Variants in SORCS2 observed in about 807,000 individuals in gnomAD.
SORCS2 encodes the protein sortilin related VPS10 domain containing receptor 2.
Under a neutral mutation model 141.6 loss-of-function variants are expected in SORCS2, and 100 were observed. The observed-to-expected ratio is 0.71, with a 90% CI of 0.60 to 0.83. The LOEUF is 0.83. SORCS2 is among the 40% of genes least tolerant of loss of function. The pLI, the probability that SORCS2 is intolerant of heterozygous loss-of-function variation, is 0.00. For synonymous variants in SORCS2, 789 were observed against 676.9 expected (o/e 1.17, Z -2.57); for missense variants, 1,646 against 1,560.2 (o/e 1.05, Z -0.93).
At chr4:7,633,660 G>T (rs1034901152) in intron 3 of SORCS2, among the ~76,000 whole-genome samples, 1 of 152,198 alleles carries the variant, frequency 6.6e-6, no homozygotes, top group Admixed American at 6.5e-5. Flanking sequence ...TATGCGTTTT[G>T]CTCTCCAGGC....
chr4:7,296,503 C>T (rs1216920852), intron 1 of SORCS2, among the ~76,000 whole-genome samples: 2 of 152,190 alleles, frequency 1.3e-5, no homozygotes, highest in Non-Finnish European at 2.9e-5. Flanking sequence ...CGGGACTCCA[C>T]CTCTCCTCTC....
At chr4:7,710,663 T>C (rs970321855) in intron 14 of SORCS2, among the ~76,000 whole-genome samples, 5 of 152,202 alleles carry the variant, frequency 3.3e-5, no homozygotes, top group African/African-American at 9.6e-5. Context: ...TGGAGACAGA[T>C]GGCACCCTCA....
intron 8 of SORCS2, among the ~76,000 whole-genome samples, chr4:7,670,240 AC>A (rs2108937073): frequency 6.6e-6 from 1 of 152,182 alleles, no homozygotes; most frequent in African/African-American, 2.4e-5. Flanking sequence ...GTTTTAATTT[AC>A]CTGTCTGTGA....
At chr4:7,360,878 C>T (rs1256488029) in intron 1 of SORCS2, among the ~76,000 whole-genome samples, 1 of 152,012 alleles carries the variant, frequency 6.6e-6, no homozygotes, top group Non-Finnish European at 1.5e-5. Context: ...GCCCGGCCCG[C>T]CCAGTCCCTT....
At chr4:7,701,269 G>A (rs1193403336) in intron 12 of SORCS2, among the ~76,000 whole-genome samples, 1 of 151,904 alleles carries the variant, frequency 6.6e-6, no homozygotes, top group African/African-American at 2.4e-5. Context: ...GGAAGAAGAG[G>A]GAGGGAGGGA....
chr4:7,468,628 A>G (rs1729771243), intron 2 of SORCS2, among the ~76,000 whole-genome samples: 1 of 152,268 alleles, frequency 6.6e-6, no homozygotes, highest in South Asian at 2.1e-4. Flanking sequence ...ACAGTGCAAC[A>G]GCAAGGCCTG....
chr4:7,360,960 TC>T (rs1721547044), intron 1 of SORCS2, among the ~76,000 whole-genome samples: 1 of 151,886 alleles, frequency 6.6e-6, no homozygotes, highest in Non-Finnish European at 1.5e-5. Context: ...CGCCCCTGCC[TC>T]CTCCCCTGTG....
chr4:7,556,537 A>G (rs539002034), intron 3 of SORCS2, among the ~76,000 whole-genome samples: 4 of 152,304 alleles, frequency 2.6e-5, no homozygotes, highest in African/African-American at 9.6e-5. Context: ...GCTGAGACCC[A>G]GTCTTGGGCT....
intron 2 of SORCS2, among the ~76,000 whole-genome samples, chr4:7,490,245 T>C (rs1731237243): frequency 6.6e-6 from 1 of 152,134 alleles, no homozygotes; most frequent in South Asian, 2.1e-4. Flanking sequence ...CCTCCTCTTG[T>C]GGAAAAGACC....
chr4:7,709,723 A>G (rs1422473410), intron 14 of SORCS2, among the ~76,000 whole-genome samples: 1 of 152,166 alleles, frequency 6.6e-6, no homozygotes, highest in Non-Finnish European at 1.5e-5. Flanking sequence ...ACTGTTTGGT[A>G]CAAATCTGCC....
chr4:7,725,369 G>C (rs1727145405), intron 20 of SORCS2, 82 bp downstream of exon 20: 11 of 1,503,618 alleles, frequency 7.3e-6, no homozygotes, highest in South Asian at 1.3e-5. Context: ...ATGGCCCCAG[G>C]TTTTCAGCAG....
chr4:7,193,216 C>G lies in SORCS2; in HGVS notation c.480+90C>G. ...CCGCCACGGCCCCCACCCCAGATCC[C>G]CACTATGGTCATCAGGGGCGGGTTC... On this transcript the variant is annotated intron_variant, in intron 1 of 26. Transcript: ENST00000507866. The surrounding 1 kb of genome is among the most constrained non-coding windows in gnomAD (Gnocchi z 4.8). 1 of 1,306,898 alleles carries G rather than the reference C, an allele frequency of 7.7e-7. No individual in the cohort carries two copies. Among genetic ancestry groups the G allele is most frequent in the South Asian group, 2.1e-5 (1 of 46,674 alleles). 81.0% of individuals were successfully genotyped at this position (1,306,898 alleles called of 1,614,324 possible).
At chr4:7,474,619 AGT>A (rs1730179557) in intron 2 of SORCS2, among the ~76,000 whole-genome samples, 1 of 152,160 alleles carries the variant, frequency 6.6e-6, no homozygotes, top group Non-Finnish European at 1.5e-5. Context: ...CCCAGTCCAC[AGT>A]GTCACCAAGA....
intron 2 of SORCS2, among the ~76,000 whole-genome samples, chr4:7,400,329 G>GC (rs1377657053): frequency 6.6e-6 from 1 of 152,136 alleles, no homozygotes; most frequent in African/African-American, 2.4e-5. Context: ...ACTGGATCCT[G>GC]CCCCCCATTC....
intron 15 of SORCS2, among the ~76,000 whole-genome samples, chr4:7,713,889 C>G (rs1725996704): frequency 6.6e-6 from 1 of 152,192 alleles, no homozygotes; most frequent in Non-Finnish European, 1.5e-5. Flanking sequence ...CCCTGAGGAC[C>G]CACTGTGTGC....
At chr4:7,683,736 A>T (rs1577071267) in intron 10 of SORCS2, among the ~76,000 whole-genome samples, 1 of 152,198 alleles carries the variant, frequency 6.6e-6, no homozygotes, top group East Asian at 1.9e-4. Context: ...GCTGGGCCAG[A>T]GTTCAGACAT....
At chr4:7,277,644 C>G (rs557322002) in intron 1 of SORCS2, among the ~76,000 whole-genome samples, 1 of 136,836 alleles carries the variant, frequency 7.3e-6, no homozygotes, top group Non-Finnish European at 1.6e-5. Context: ...TGCCTGTGCT[C>G]GGAACACCAC....
intron 2 of SORCS2, among the ~76,000 whole-genome samples, chr4:7,435,152 C>A (rs1727214378): frequency 6.6e-6 from 1 of 152,166 alleles, no homozygotes; most frequent in Admixed American, 6.5e-5. Context: ...AAGCTCGGCT[C>A]CTAGGAAGCC....
intron 19 of SORCS2, among the ~76,000 whole-genome samples, chr4:7,724,446 G>A (rs1726909085): frequency 4.0e-5 from 5 of 124,008 alleles, no homozygotes; most frequent in African/African-American, 1.6e-4. Context: ...TGGTGACAAT[G>A]GTGGTGGTGA....
Sources: gnomAD v4.1 joint callset for allele counts (sites outside exome capture counted in the v4.1 genomes callset) on GRCh38, gnomAD v4.1.1 for gene constraint, Gnocchi (gnomAD v3.1) non-coding constraint, MANE v1.5 for transcripts, NCBI Gene and HGNC (gene_info 2026-07-23, HGNC 2026-07-21) for gene names.